The following SPOCK3 variants were observed in gnomAD, a reference collection of about 807,000 sequenced individuals.
SPOCK3 encodes the protein testican-3.
A neutral mutation model predicts 56.6 loss-of-function variants in SPOCK3; 30 were observed. The observed-to-expected ratio is 0.53, with a 90% CI of 0.40 to 0.72. The LOEUF is 0.72. Among genes scored for constraint, SPOCK3 ranks in the 30% least tolerant of loss-of-function variants. The pLI is 0.00. For synonymous variants in SPOCK3, 196 were observed against 183.3 expected (o/e 1.07, Z -0.56); for missense variants, 527 against 530.0 (o/e 0.99, Z 0.06).
intron 2 of SPOCK3, chr4:167,119,689 A>G: frequency 1.3e-6 from 1 of 777,396 alleles, no homozygotes; most frequent in South Asian, 2.0e-5. Flanking sequence ...TATCAGAAAA[A>G]CAACACATTT....
At chr4:166,911,763 C>G (rs1737304549) in intron 5 of SPOCK3, among the ~76,000 whole-genome samples, 1 of 152,044 alleles carries the variant, frequency 6.6e-6, no homozygotes, top group African/African-American at 2.4e-5. Context: ...GTCTCAAACT[C>G]CTGACTCAGG....
intron 4 of SPOCK3, among the ~76,000 whole-genome samples, chr4:166,949,130 C>T (rs28858717): frequency 0.051 from 7,766 of 152,060 alleles, 649 homozygotes; most frequent in African/African-American, 0.18. Flanking sequence ...TCCAGTTGAT[C>T]GCATCCGCTC....
chr4:166,935,354 G>A (rs958178056), intron 4 of SPOCK3, among the ~76,000 whole-genome samples: 7 of 152,082 alleles, frequency 4.6e-5, no homozygotes, highest in East Asian at 1.9e-4. Context: ...GCAGTCCAAC[G>A]GGCGAAATGG....
intron 9 of SPOCK3, among the ~76,000 whole-genome samples, chr4:166,740,367 C>G (rs1307151375): frequency 1.3e-5 from 2 of 151,570 alleles, no homozygotes; most frequent in Non-Finnish European, 2.9e-5. Context: ...TAATAAAAAC[C>G]TGTATTCTAA....
At chr4:166,824,500 A>G (rs906374649) in intron 6 of SPOCK3, among the ~76,000 whole-genome samples, 3 of 152,080 alleles carry the variant, frequency 2.0e-5, no homozygotes, top group African/African-American at 7.2e-5. Context: ...TGAGCATGTG[A>G]TCCAGTTCTG....
chr4:166,841,728 A>G (rs1161820383), intron 6 of SPOCK3, among the ~76,000 whole-genome samples: 1 of 152,192 alleles, frequency 6.6e-6, no homozygotes, highest in Non-Finnish European at 1.5e-5. Context: ...GCAGAATTCT[A>G]AGAACTTCTC....
At chr4:167,027,952 A>T (rs1452748013) in intron 3 of SPOCK3, among the ~76,000 whole-genome samples, 1 of 152,060 alleles carries the variant, frequency 6.6e-6, no homozygotes, top group Non-Finnish European at 1.5e-5. Flanking sequence ...TCAATGGAAC[A>T]GTTGGGTTGC....
chr4:166,919,916 C>T (rs1738305256), intron 4 of SPOCK3, among the ~76,000 whole-genome samples: 3 of 151,866 alleles, frequency 2.0e-5, no homozygotes, highest in African/African-American at 7.3e-5. Context: ...AGAACTAAAC[C>T]AAGTATTTAA....
intron 4 of SPOCK3, among the ~76,000 whole-genome samples, chr4:166,978,766 A>C (rs1478314430): frequency 2.0e-5 from 3 of 152,208 alleles, no homozygotes; most frequent in African/African-American, 7.2e-5. Context: ...ATTGAGTATA[A>C]ATATACAACA....
At chr4:167,094,693 A>G (rs1244462826) in intron 2 of SPOCK3, among the ~76,000 whole-genome samples, 1 of 152,156 alleles carries the variant, frequency 6.6e-6, no homozygotes, top group African/African-American at 2.4e-5. Flanking sequence ...GTGAAACTAG[A>G]CACTTTCCTT....
intron 6 of SPOCK3, among the ~76,000 whole-genome samples, chr4:166,865,645 CAGAG>C (rs1394611713): frequency 6.6e-6 from 1 of 152,088 alleles, no homozygotes; most frequent in Non-Finnish European, 1.5e-5. Context: ...AACAGACAAA[CAGAG>C]AGCCAAATCA....
At chr4:166,775,205 G>A (rs1489828621) in intron 7 of SPOCK3, among the ~76,000 whole-genome samples, 4 of 152,088 alleles carry the variant, frequency 2.6e-5, no homozygotes, top group East Asian at 1.9e-4. Context: ...ATGAACCAAC[G>A]TGACTGGAGT....
chr4:167,229,084 A>T (rs1010725731), intron 2 of SPOCK3, among the ~76,000 whole-genome samples: 1 of 152,182 alleles, frequency 6.6e-6, no homozygotes, highest in Admixed American at 6.6e-5. Flanking sequence ...TTATTACCAC[A>T]GTTACAAATG....
intron 2 of SPOCK3, among the ~76,000 whole-genome samples, chr4:167,089,231 G>A (rs1392708633): frequency 2.6e-5 from 4 of 151,770 alleles, no homozygotes; most frequent in Admixed American, 6.6e-5. Flanking sequence ...AACAACAACC[G>A]ACCAAACAAA....
rs541039541 is a variant in SPOCK3 at position 167,154,104 on chromosome 4, C to T, written c.189+79881G>A. Among the ~76,000 whole-genome samples the T allele has an allele frequency of 5.8e-4, 88 of 152,068 alleles. No homozygotes were observed. The South Asian group carries it at 0.018, about 31-fold the overall frequency. On this transcript the variant is annotated intron_variant, in intron 2 of 10. Coordinates refer to ENST00000357545, the MANE Select transcript of SPOCK3 (RefSeq NM_001040159.2). ...TGATAAATTTTAATAAAAATGGGGT[C>T]CTTTACAATCCCAAGTATGTTATTA... is the stretch of plus-strand genomic sequence containing the variant.
In SPOCK3 at chr4:167,183,225, A is replaced by C. The variant is rs566814798; in HGVS notation, c.189+50760T>G. ...AGCCCAGCCCAGTCCAGCCCAGCCCAGCCCAACTGCAGACATCTGAAGGAT... is the reference window on the plus strand; with the variant it reads ...AGCCCAGCCCAGTCCAGCCCAGCCCCGCCCAACTGCAGACATCTGAAGGAT... On this transcript the variant is annotated intron_variant, in intron 2 of 10. Transcript: ENST00000357545. Among the ~76,000 whole-genome samples the C allele has an allele frequency of 4.6e-5, 7 of 152,286 alleles. No homozygotes were observed. The East Asian group carries it at 9.7e-4, about 21-fold the overall frequency.
intron 4 of SPOCK3, among the ~76,000 whole-genome samples, chr4:166,955,648 T>C (rs1433765062): frequency 6.8e-6 from 1 of 146,696 alleles, no homozygotes; most frequent in Non-Finnish European, 1.5e-5. Context: ...TAAATTTAAT[T>C]ATAATATAAA....
intron 2 of SPOCK3, among the ~76,000 whole-genome samples, chr4:167,130,591 T>C (rs982283031): frequency 5.9e-5 from 9 of 152,174 alleles, no homozygotes; most frequent in African/African-American, 1.9e-4. Flanking sequence ...TATAAACATC[T>C]TTCCACCAGC....
chr4:166,764,706 T>A (rs9685989), intron 7 of SPOCK3, among the ~76,000 whole-genome samples: 5 of 151,924 alleles, frequency 3.3e-5, no homozygotes, highest in Middle Eastern at 3.4e-3. Flanking sequence ...TATATACCCC[T>A]TAATGGGATG....
Sources: gnomAD v4.1 joint callset for allele counts (sites outside exome capture counted in the v4.1 genomes callset) on GRCh38, gnomAD v4.1.1 for gene constraint, MANE v1.5 for transcripts, NCBI Gene and HGNC (gene_info 2026-07-23, HGNC 2026-07-21) for gene names.